SMARCA4: variants seen among roughly 807,000 people sequenced by gnomAD.
SMARCA4 encodes the protein SWI/SNF-related matrix-associated actin-dependent regulator of chromatin subfamily A member 4.
In SMARCA4, 31 loss-of-function variants were observed where a neutral mutation model predicts 193.9. The ratio of observed to expected loss-of-function variants is 0.16; its 90% CI spans 0.12 to 0.22. The LOEUF (loss-of-function observed/expected upper bound fraction) is 0.22, where lower values mean the gene tolerates loss of function less well. SMARCA4 is among the 10% of genes least tolerant of loss of function. The pLI, the probability that SMARCA4 is intolerant of heterozygous loss-of-function variation, is 1.00. For synonymous variants in SMARCA4, 942 were observed against 933.1 expected (o/e 1.01, Z -0.17); for missense variants, 1,148 against 2,296.0 (o/e 0.50, Z 10.22).
intron 14 of SMARCA4, 73 bp from the exon 15 acceptor site, chr19:11,010,308 T>C: frequency 6.5e-7 from 1 of 1,536,484 alleles, no homozygotes; most frequent in East Asian, 2.2e-5. Context: ...TCCGCAGAGC[T>C]TGTGTCAGGA....
At chr19:10,979,970 C>T (rs1310019814) in intron 1 of SMARCA4, among the ~76,000 whole-genome samples, 4 of 152,132 alleles carry the variant, frequency 2.6e-5, no homozygotes, top group East Asian at 1.9e-4. Context: ...CAGAATCACA[C>T]GCTGCTCCCC....
At chr19:11,005,845 C>T (rs535131839) in intron 13 of SMARCA4, among the ~76,000 whole-genome samples, 16 of 152,234 alleles carry the variant, frequency 1.1e-4, no homozygotes, top group Admixed American at 2.6e-4. Flanking sequence ...TCTAGTAGAC[C>T]TTTGGTCAAC....
At chr19:10,979,211 A>T (rs531986807) in intron 1 of SMARCA4, among the ~76,000 whole-genome samples, 15 of 152,002 alleles carry the variant, frequency 9.9e-5, no homozygotes, top group Non-Finnish European at 2.2e-4. Flanking sequence ...TAGCAAAGCT[A>T]AGTTTATGCC....
At chr19:11,021,606 C>G in intron 18 of SMARCA4, 119 bp from the exon 19 acceptor site, 1 of 1,304,076 alleles carries the variant, frequency 7.7e-7, no homozygotes, top group Non-Finnish European at 1.1e-6. Context: ...GTGCTCTCCA[C>G]CCAGCTGCGC....
chr19:10,991,374 G>T, intron 8 of SMARCA4, 51 bp downstream of exon 8: 1 of 1,553,168 alleles, frequency 6.4e-7, no homozygotes. Flanking sequence ...TGGCTGCCTG[G>T]CTTGTCCAGC....
intron 29 of SMARCA4, among the ~76,000 whole-genome samples, chr19:11,035,920 G>A (rs1234439030): frequency 6.6e-6 from 1 of 152,220 alleles, no homozygotes; most frequent in African/African-American, 2.4e-5. Flanking sequence ...CTGAAGTTGT[G>A]TCATAAAAAT....
chr19:11,061,202 AAAATATATATATATATATATATATATAT>A (rs1333606197), intron 34 of SMARCA4, among the ~76,000 whole-genome samples: 10 of 61,466 alleles, frequency 1.6e-4, no homozygotes, highest in Admixed American at 1.2e-3. Flanking sequence ...AAAAAAAAAA[AAAATATATATATATATATATATATATAT>A]ATATATATAT....
At chr19:11,026,007 G>A (rs915053340) in intron 22 of SMARCA4, among the ~76,000 whole-genome samples, 1 of 152,230 alleles carries the variant, frequency 6.6e-6, no homozygotes, top group Admixed American at 6.5e-5. Flanking sequence ...CCCTGGGGCT[G>A]TCTCAGCACC....
Position 11,061,202 on chromosome 19 carries a change from AAAATATATATAT to A in SMARCA4, c.4912-580_4912-569del, listed in dbSNP as rs1199471431. On this transcript the variant is annotated intron_variant, in intron 34 of 34. Transcript: ENST00000344626. ...GACCCTGTCTTTAAAAAAAAAAAAA[AAAATATATATAT>A]ATATATATATATATATATATATATA... Among the ~76,000 whole-genome samples, 14 of 61,440 alleles carry A rather than the reference AAAATATATATAT, an allele frequency of 2.3e-4. No homozygotes were observed. The East Asian group carries it at 2.3e-3, about 10-fold the overall frequency. The allele number at this position is 61,440 out of a possible 152,430, so 40.3% of individuals were successfully genotyped here. A position where few individuals can be genotyped will look rare whatever the true frequency, so the allele number is the denominator to read the frequency against.
At chr19:10,971,986 C>G (rs1265783355) in intron 1 of SMARCA4, among the ~76,000 whole-genome samples, 2 of 148,004 alleles carry the variant, frequency 1.4e-5, no homozygotes, top group East Asian at 4.0e-4. Context: ...GACGGAGTCT[C>G]GCTCTGTCAC....
intron 1 of SMARCA4, 146 bp from the exon 2 acceptor site, chr19:10,983,975 G>A: frequency 1.5e-6 from 1 of 681,814 alleles, no homozygotes; most frequent in Non-Finnish European, 2.6e-6. Context: ...GAGTGATCAT[G>A]GAGAAACGGT....
At chr19:11,024,069 G>A (rs1287173817) in intron 20 of SMARCA4, among the ~76,000 whole-genome samples, 1 of 152,212 alleles carries the variant, frequency 6.6e-6, no homozygotes, top group Non-Finnish European at 1.5e-5. Context: ...TTGTTTCCTG[G>A]CTGGCTGTAG....
intron 14 of SMARCA4, 78 bp from the exon 15 acceptor site, chr19:11,010,303 A>T (rs2146228610): frequency 6.6e-7 from 1 of 1,518,078 alleles, no homozygotes; most frequent in South Asian, 1.1e-5. Context: ...GCCACTCCGC[A>T]GAGCTTGTGT....
At position 11,058,119 on chromosome 19, in the gene SMARCA4, A is replaced by AT. The variant is rs397964328; in HGVS notation, c.4425-136_4425-135insT. The AT allele has an allele frequency of 1.2e-5, 8 of 647,946 alleles. No homozygotes were observed. The highest frequency in any genetic ancestry group is 8.2e-5 in the East Asian group (3 of 36,606). 40.1% of individuals were successfully genotyped at this position (647,946 alleles called of 1,614,324 possible). On this transcript the variant is annotated intron_variant, in intron 30 of 34. Transcript: ENST00000344626. The surrounding 1 kb of genome is among the most constrained non-coding windows in gnomAD (Gnocchi z 5.8). The stretch of plus-strand genomic sequence containing the variant: ...GAAACTCCGTCTCAAAAAAAAAAAA[A>AT]GCGCATGTGCAAGAAATAGCTCCTG...
In SMARCA4 at chr19:11,017,069, G is replaced by A. The variant is rs535370148; in HGVS notation, c.2439-1888G>A. Among the ~76,000 whole-genome samples, 21 of 152,250 alleles carry A rather than the reference G, an allele frequency of 1.4e-4. No individual in the cohort carries two copies. In the East Asian group the frequency reaches 4.0e-3, roughly 29 times the overall value. ...GTGCGCGTGCTGATGCTTTGTGCAC[G>A]TATCGTCTAAAAGGCCTTCTCTGCC... On this transcript the variant is annotated intron_variant, in intron 16 of 34. Transcript: ENST00000344626.
chr19:10,977,250 C>G (rs988451915), intron 1 of SMARCA4, among the ~76,000 whole-genome samples: 1 of 152,132 alleles, frequency 6.6e-6, no homozygotes. Context: ...TGTTCCTGAG[C>G]ATTGCGGGGC....
intron 1 of SMARCA4, among the ~76,000 whole-genome samples, chr19:10,978,084 G>A (rs917735290): frequency 4.5e-4 from 69 of 152,276 alleles, no homozygotes; most frequent in Middle Eastern, 6.8e-3. Context: ...GTAGGCTGAG[G>A]CCCCTACCTC....
chr19:11,040,495 G>C (rs1262067395), intron 29 of SMARCA4: 1 of 141,438 alleles, frequency 7.1e-6, no homozygotes, highest in Non-Finnish European at 1.5e-5. Flanking sequence ...AGGAGGCTGA[G>C]GCAGGAGAGT....
At chr19:10,996,636 C>A in intron 11 of SMARCA4, 92 bp downstream of exon 11, 1 of 1,225,664 alleles carries the variant, frequency 8.2e-7, no homozygotes, top group Non-Finnish European at 1.2e-6. Context: ...TTTAAAATTA[C>A]GAACAATGAT....
Sources: allele counts gnomAD v4.1 joint callset (sites outside exome capture counted in the v4.1 genomes callset), GRCh38; gene constraint gnomAD v4.1.1; non-coding constraint Gnocchi (gnomAD v3.1); transcripts MANE v1.5; gene names NCBI Gene and HGNC (gene_info 2026-07-23, HGNC 2026-07-21).